Variants in EXOC4 observed in about 807,000 individuals in gnomAD.
The protein encoded by EXOC4 is SEC8-like 1.
Under a neutral mutation model 107.2 loss-of-function variants are expected in EXOC4, and 71 were observed. That is an observed-to-expected ratio of 0.66 (90% CI 0.55 to 0.81). EXOC4 has a LOEUF of 0.81. Among genes scored for constraint, EXOC4 ranks in the 30% least tolerant of loss-of-function variants. The pLI is 0.00. For synonymous variants in EXOC4, 456 were observed against 441.2 expected, an observed-to-expected ratio of 1.03 and a Z score of -0.42; for missense variants, 1,108 against 1,189.6, an observed-to-expected ratio of 0.93 and a Z score of 1.01.
intron 9 of EXOC4, among the ~76,000 whole-genome samples, chr7:133,489,727 C>T (rs1799336183): frequency 6.6e-6 from 1 of 152,104 alleles, no homozygotes; most frequent in Non-Finnish European, 1.5e-5. Context: ...CTGGATACTT[C>T]ACTAGGCCCT....
At chr7:133,902,855 A>G (rs1799484289) in intron 12 of EXOC4, among the ~76,000 whole-genome samples, 1 of 127,760 alleles carries the variant, frequency 7.8e-6, no homozygotes, top group Non-Finnish European at 1.6e-5. Flanking sequence ...CTCTGTCTCA[A>G]AAAAACAAAA....
In EXOC4 at chr7:133,253,146, C is replaced by T; in HGVS notation, c.45C>T (p.Ser15=). ...AAGGKYRSTV[S]KSKDPSGLLI... is the part of the protein sequence containing the mutation. ...GTGGGAAATACAGAAGCACAGTCAG[C>T]AAAAGCAAAGACCCCTCGGGGCTGC... The change falls in exon 1 of 18, where the codon AGC becomes AGT. Residue 15 remains serine (S), a synonymous_variant. Transcript: ENST00000253861. 1 of 1,614,204 alleles carries T rather than the reference C, an allele frequency of 6.2e-7. No homozygotes were observed. The highest frequency in any genetic ancestry group is 1.7e-5 in the Admixed American group (1 of 60,032).
chr7:133,714,521 G>C (rs575483924), intron 10 of EXOC4, among the ~76,000 whole-genome samples: 1 of 152,254 alleles, frequency 6.6e-6, no homozygotes, highest in Admixed American at 6.5e-5. Flanking sequence ...TATAATGATT[G>C]TCATAATATA....
chr7:133,797,658 A>G (rs1322453046), intron 10 of EXOC4, among the ~76,000 whole-genome samples: 2 of 152,198 alleles, frequency 1.3e-5, no homozygotes, highest in Non-Finnish European at 2.9e-5. Flanking sequence ...GAAGTAGTAA[A>G]GACATCATCT....
intron 11 of EXOC4, among the ~76,000 whole-genome samples, chr7:133,859,518 T>C (rs1798488280): frequency 6.6e-6 from 1 of 152,182 alleles, no homozygotes; most frequent in African/African-American, 2.4e-5. Context: ...AATTTCCTAC[T>C]TGCAGCTGGT....
intron 9 of EXOC4, among the ~76,000 whole-genome samples, chr7:133,545,793 A>G (rs1053323947): frequency 6.6e-6 from 1 of 152,202 alleles, no homozygotes; most frequent in South Asian, 2.1e-4. Context: ...CTATATAACC[A>G]CAAAGAATGT....
intron 12 of EXOC4, among the ~76,000 whole-genome samples, chr7:133,911,895 T>C (rs1799704088): frequency 6.6e-6 from 1 of 152,192 alleles, no homozygotes; most frequent in South Asian, 2.1e-4. Flanking sequence ...GCCAAGATTC[T>C]TTCTAGATAT....
At chr7:133,780,772 A>G (rs536994197) in intron 10 of EXOC4, among the ~76,000 whole-genome samples, 3 of 152,280 alleles carry the variant, frequency 2.0e-5, no homozygotes, top group Admixed American at 6.5e-5. Context: ...CTGTAGACCA[A>G]CCAACAGCTG....
At chr7:133,908,347 G>A (rs542427001) in intron 12 of EXOC4, among the ~76,000 whole-genome samples, 32 of 152,342 alleles carry the variant, frequency 2.1e-4, no homozygotes, top group Admixed American at 9.8e-4. Context: ...AGTTAATAAC[G>A]TGGCAAAGGC....
At chr7:133,460,819 C>T (rs960897347) in intron 7 of EXOC4, among the ~76,000 whole-genome samples, 2 of 152,108 alleles carry the variant, frequency 1.3e-5, no homozygotes, top group African/African-American at 2.4e-5. Context: ...AGTCATAAAG[C>T]ATTTTAATAA....
At chr7:133,381,391 A>G (rs1471179611) in intron 7 of EXOC4, among the ~76,000 whole-genome samples, 1 of 152,110 alleles carries the variant, frequency 6.6e-6, no homozygotes, top group Non-Finnish European at 1.5e-5. Flanking sequence ...AGACATGTTG[A>G]ATGGCCCAAG....
chr7:133,699,234 G>A (rs1794604005), intron 10 of EXOC4, among the ~76,000 whole-genome samples: 3 of 152,006 alleles, frequency 2.0e-5, no homozygotes, highest in Admixed American at 1.3e-4. Context: ...AGCCCCTCAG[G>A]TCCATTCCTC....
At chr7:133,585,157 C>T (rs1046402498) in intron 9 of EXOC4, among the ~76,000 whole-genome samples, 1 of 152,182 alleles carries the variant, frequency 6.6e-6, no homozygotes, top group Non-Finnish European at 1.5e-5. Flanking sequence ...ATGCAAAGGT[C>T]AAATGCAATA....
At chr7:133,974,006 G>A (rs1312648320) in intron 14 of EXOC4, among the ~76,000 whole-genome samples, 1 of 152,198 alleles carries the variant, frequency 6.6e-6, no homozygotes, top group Non-Finnish European at 1.5e-5. Context: ...ACCCACTCCT[G>A]CTATGATGGC....
At chr7:133,384,109 A>T (rs978509792) in intron 7 of EXOC4, among the ~76,000 whole-genome samples, 5 of 152,184 alleles carry the variant, frequency 3.3e-5, no homozygotes, top group African/African-American at 1.2e-4. Context: ...TCTGGCTTCT[A>T]GTACAGACGT....
intron 9 of EXOC4, among the ~76,000 whole-genome samples, chr7:133,584,836 C>G (rs926736695): frequency 6.6e-6 from 1 of 152,080 alleles, no homozygotes; most frequent in African/African-American, 2.4e-5. Flanking sequence ...GTCTTGGCCT[C>G]CCGTGCTGGG....
intron 9 of EXOC4, among the ~76,000 whole-genome samples, chr7:133,544,278 G>A (rs1032414378): frequency 2.0e-5 from 3 of 151,868 alleles, no homozygotes; most frequent in South Asian, 2.1e-4. Flanking sequence ...ATCACAGCAC[G>A]TTTAGGACTA....
intron 6 of EXOC4, among the ~76,000 whole-genome samples, chr7:133,365,185 A>G (rs1338621439): frequency 6.6e-6 from 1 of 152,178 alleles, no homozygotes. Context: ...TTCTTGTACT[A>G]GGAACAATAT....
chr7:133,624,405 G>A (rs1369626072), intron 9 of EXOC4, among the ~76,000 whole-genome samples: 2 of 152,084 alleles, frequency 1.3e-5, no homozygotes, highest in African/African-American at 4.8e-5. Context: ...GCAACATATT[G>A]AGACCCTGTT....
Sources: gnomAD v4.1 joint callset for allele counts (sites outside exome capture counted in the v4.1 genomes callset) on GRCh38, gnomAD v4.1.1 for gene constraint, MANE v1.5 for transcripts, NCBI Gene and HGNC (gene_info 2026-07-23, HGNC 2026-07-21) for gene names.